Variants in ZFP2 observed in about 807,000 individuals in gnomAD.
ZFP2 encodes the protein ZFP2 zinc finger protein.
ZFP2 carries 33 observed loss-of-function variants against 36.1 expected under a neutral mutation model. The ratio of observed to expected loss-of-function variants is 0.92; its 90% CI spans 0.69 to 1.22. The LOEUF (loss-of-function observed/expected upper bound fraction) is 1.22, where lower values mean the gene tolerates loss of function less well. Among genes scored for constraint, ZFP2 ranks in the 50% most tolerant of loss-of-function variants. The pLI, the probability that ZFP2 is intolerant of heterozygous loss-of-function variation, is 0.00. For missense variants in ZFP2, 522 were observed against 551.4 expected (o/e 0.95, Z 0.53); for synonymous variants, 170 against 178.0 (o/e 0.96, Z 0.36).
At chr5:178,926,837 C>T (rs1581842445) in intron 4 of ZFP2, among the ~76,000 whole-genome samples, 1 of 152,076 alleles carries the variant, frequency 6.6e-6, no homozygotes, top group East Asian at 1.9e-4. Flanking sequence ...TATTTTCATA[C>T]TCAGTTTGAC....
intron 4 of ZFP2, among the ~76,000 whole-genome samples, chr5:178,920,999 C>G (rs1470205953): frequency 6.6e-6 from 1 of 152,206 alleles, no homozygotes; most frequent in Non-Finnish European, 1.5e-5. Context: ...TGGTTGAGCT[C>G]AGACTACAAA....
At chr5:178,924,230 G>T (rs764572872) in intron 4 of ZFP2, among the ~76,000 whole-genome samples, 4 of 148,094 alleles carry the variant, frequency 2.7e-5, no homozygotes, top group African/African-American at 7.3e-5. Flanking sequence ...AAAATTAGCC[G>T]GGCATGGTGG....
At chr5:178,904,039 A>G (rs915063213) in intron 1 of ZFP2, among the ~76,000 whole-genome samples, 1 of 152,176 alleles carries the variant, frequency 6.6e-6, no homozygotes, top group African/African-American at 2.4e-5. Context: ...ACCCCAAGAT[A>G]ATATAAATCT....
intron 1 of ZFP2, chr5:178,910,404 G>T (rs1457845035): frequency 4.5e-6 from 4 of 883,250 alleles, no homozygotes. Flanking sequence ...ACCATCTCCT[G>T]AGGATGTTGG....
rs528042528 is a variant in ZFP2 at position 178,902,330 on chromosome 5, T to C, written c.-450+6356T>C. ...ATCATACCTAGCAAAAATACAGTTA[T>C]CAAAATAAGGAAAACTTACATCGAT... is the stretch of plus-strand genomic sequence containing the variant. On this transcript the variant is annotated intron_variant, in intron 1 of 4. Transcript: ENST00000361362. Among the ~76,000 whole-genome samples, 4 of 152,310 alleles carry C rather than the reference T, an allele frequency of 2.6e-5. No individual in the cohort carries two copies. In the East Asian group the frequency reaches 5.8e-4, roughly 22 times the overall value.
At chr5:178,927,662 A>AGTGTGT (rs1561684956) in intron 4 of ZFP2, among the ~76,000 whole-genome samples, 2 of 100,750 alleles carry the variant, frequency 2.0e-5, no homozygotes, top group African/African-American at 7.5e-5. Flanking sequence ...ATACCTGGCC[A>AGTGTGT]ATGTGTGTGT....
intron 1 of ZFP2, among the ~76,000 whole-genome samples, chr5:178,908,166 T>G (rs554111826): frequency 1.5e-4 from 23 of 152,192 alleles, no homozygotes; most frequent in African/African-American, 5.3e-4. Flanking sequence ...TAATTATTAC[T>G]GGCTGGGCGC....
intron 3 of ZFP2, among the ~76,000 whole-genome samples, chr5:178,913,367 A>G (rs1758342536): frequency 2.0e-5 from 3 of 152,182 alleles, no homozygotes; most frequent in Admixed American, 6.5e-5. Flanking sequence ...CTTCCTCTGC[A>G]TTCTGAATTG....
Position 178,922,365 on chromosome 5 carries a change from A to G in ZFP2, c.-78+5655A>G, listed in dbSNP as rs912835884. On this transcript the variant is annotated intron_variant, in intron 4 of 4. Transcript: ENST00000361362. ...TCCTTTCATGTAATTTTTGTTCTAT[A>G]TGGAGCACCACTAATAGAGTTGGCA... 13 of 1,071,084 alleles carry G rather than the reference A, an allele frequency of 1.2e-5. 2 individuals are homozygous for G. The highest frequency in any genetic ancestry group is 3.5e-5 in the Admixed American group (2 of 57,446). The allele number at this position is 1,071,084 out of a possible 1,614,324, so 66.3% of individuals were successfully genotyped here. A position where few individuals can be genotyped will look rare whatever the true frequency, so the allele number is the denominator to read the frequency against.
chr5:178,927,347 C>A (rs992633233), intron 4 of ZFP2, among the ~76,000 whole-genome samples: 1 of 152,146 alleles, frequency 6.6e-6, no homozygotes, highest in African/African-American at 2.4e-5. Flanking sequence ...TGTCATCCTC[C>A]TTTAAGAGTT....
intron 4 of ZFP2, among the ~76,000 whole-genome samples, chr5:178,920,651 A>T (rs1451525039): frequency 6.6e-6 from 1 of 152,056 alleles, no homozygotes; most frequent in African/African-American, 2.4e-5. Flanking sequence ...AAAAAAAAAA[A>T]ATTGTATATT....
Position 178,922,025 on chromosome 5 carries a change from C to T in ZFP2, c.-78+5315C>T, listed in dbSNP as rs920169590. ...CTGTAAAAACATTTAAAGCTCCTTC[C>T]GCAGGCAGGAGAGTCAGCTAGCCAC... On this transcript the variant is annotated intron_variant, in intron 4 of 4. Coordinates refer to ENST00000361362, the MANE Select transcript of ZFP2 (RefSeq NM_030613.4). 44 of 696,330 alleles carry T rather than the reference C, an allele frequency of 6.3e-5. 3 individuals carry two copies. The highest frequency in any genetic ancestry group is 1.1e-4 in the African/African-American group (6 of 57,030). 43.1% of individuals were successfully genotyped at this position (696,330 alleles called of 1,614,324 possible).
chr5:178,908,265 G>GACA (rs1758208367), intron 1 of ZFP2, among the ~76,000 whole-genome samples: 2 of 152,044 alleles, frequency 1.3e-5, no homozygotes, highest in African/African-American at 4.8e-5. Context: ...TGGCTAACAT[G>GACA]GTGAAACCCT....
At chr5:178,927,476 A>ATTT (rs1400490675) in intron 4 of ZFP2, among the ~76,000 whole-genome samples, 1 of 150,630 alleles carries the variant, frequency 6.6e-6, no homozygotes, top group Non-Finnish European at 1.5e-5. Context: ...AGACTAGGTA[A>ATTT]TTTATTCATT....
intron 1 of ZFP2, among the ~76,000 whole-genome samples, chr5:178,905,654 ACT>A (rs10549782): frequency 0.2 from 30,025 of 152,106 alleles, 3,120 homozygotes; most frequent in Non-Finnish European, 0.24. Context: ...GGGGAAAATG[ACT>A]CATACTAAAT....
At position 178,913,049 on chromosome 5, in the gene ZFP2, A is replaced by G. The variant is rs548269342; in HGVS notation, c.-246A>G. 3.0e-6 allele frequency: 3 copies of G among 985,750 alleles called. No individual in the cohort carries two copies. The highest frequency in any genetic ancestry group is 9.4e-5 in the South Asian group (2 of 21,286). 61.1% of individuals were successfully genotyped at this position (985,750 alleles called of 1,614,324 possible). On this transcript the variant is annotated 5_prime_UTR_variant, in exon 3 of 5. Coordinates refer to ENST00000361362, the MANE Select transcript of ZFP2 (RefSeq NM_030613.4). Reference sequence around the variant, plus strand: ...GAGAACTGAGTCTGATGCAAAAAGAACCGCCTGAGGGTGGCTTTCGAGGTA... The same window carrying G: ...GAGAACTGAGTCTGATGCAAAAAGAGCCGCCTGAGGGTGGCTTTCGAGGTA...
Position 178,931,218 on chromosome 5 carries a change from A to C in ZFP2, c.-77-19A>C. The C allele has an allele frequency of 2.3e-5, 33 of 1,447,468 alleles. No homozygotes were observed. The South Asian group carries it at 4.8e-4, about 21-fold the overall frequency. The allele number at this position is 1,447,468 out of a possible 1,614,324, so 89.7% of individuals were successfully genotyped here. On this transcript the variant is annotated intron_variant, in intron 4 of 4. Transcript: ENST00000361362. ...TAGCACAGAAACCAATGTGCATTTGAATTTTTTTTTTTTTTCAGACTGGGA... is the reference window on the plus strand; with the variant it reads ...TAGCACAGAAACCAATGTGCATTTGCATTTTTTTTTTTTTTCAGACTGGGA...
Position 178,916,559 on chromosome 5 carries a change from T to C in ZFP2, c.-223-6T>C, listed in dbSNP as rs1758435665. 1.0e-6 allele frequency: 1 copy of C among 985,322 alleles called. No individual in the cohort carries two copies. Among genetic ancestry groups the C allele is most frequent in the Non-Finnish European group, 1.2e-6 (1 of 829,952 alleles). 61.0% of individuals were successfully genotyped at this position (985,322 alleles called of 1,614,324 possible). The stretch of plus-strand genomic sequence containing the variant: ...ATTTGCAAACTCCAGATCTTGTTCT[T>C]TCCAGATTTTCTTGGATATTGCTGT... On this transcript the variant is annotated splice_polypyrimidine_tract_variant and splice_region_variant and intron_variant, in intron 3 of 4. Coordinates refer to ENST00000361362, the MANE Select transcript of ZFP2 (RefSeq NM_030613.4).
chr5:178,912,652 T>C lies in ZFP2; in HGVS notation c.-381T>C, dbSNP rs1758321000. On this transcript the variant is annotated 5_prime_UTR_variant, in exon 2 of 5. Transcript: ENST00000361362. Reference sequence around the variant, plus strand: ...CTTGGGAAGAGTGGATTCAAGCAGATTCTGCTCAGAGGATGACCGTGTATG... The same window carrying C: ...CTTGGGAAGAGTGGATTCAAGCAGACTCTGCTCAGAGGATGACCGTGTATG... The C allele has an allele frequency of 4.7e-6, 5 of 1,059,474 alleles. No homozygotes were observed. The highest frequency in any genetic ancestry group is 4.6e-6 in the Non-Finnish European group (4 of 862,062). 65.6% of individuals were successfully genotyped at this position (1,059,474 alleles called of 1,614,324 possible).
Sources: allele counts gnomAD v4.1 joint callset (sites outside exome capture counted in the v4.1 genomes callset), GRCh38; gene constraint gnomAD v4.1.1; transcripts MANE v1.5; gene names NCBI Gene and HGNC (gene_info 2026-07-23, HGNC 2026-07-21).